ADAMTS17: variants seen among roughly 807,000 people sequenced by gnomAD.
ADAMTS17 encodes the protein A disintegrin and metalloproteinase with thrombospondin motifs 17.
A neutral mutation model predicts 141.5 loss-of-function variants in ADAMTS17; 113 were observed. That is an observed-to-expected ratio of 0.80 (90% confidence interval 0.69 to 0.93). The LOEUF (loss-of-function observed/expected upper bound fraction) is 0.93, where lower values mean the gene tolerates loss of function less well. Among genes scored for constraint, ADAMTS17 ranks in the 40% least tolerant of loss-of-function variants. The pLI is 0.00. For missense variants in ADAMTS17, 1,659 were observed against 1,517.9 expected (o/e 1.09, Z -1.54); for synonymous variants, 768 against 630.6 (o/e 1.22, Z -3.27).
At chr15:100,239,936 T>A (rs1029408307) in intron 7 of ADAMTS17, among the ~76,000 whole-genome samples, 4 of 152,094 alleles carry the variant, frequency 2.6e-5, no homozygotes, top group African/African-American at 9.7e-5. Flanking sequence ...GGAGGTGGTC[T>A]CCAGGTGAAA....
At chr15:100,106,479 G>A (rs1293988622) in intron 14 of ADAMTS17, among the ~76,000 whole-genome samples, 2 of 152,198 alleles carry the variant, frequency 1.3e-5, no homozygotes, top group African/African-American at 2.4e-5. Context: ...CATTGTCATA[G>A]TATGGAACAT....
chr15:99,999,773 C>A (rs1017372189), intron 18 of ADAMTS17, among the ~76,000 whole-genome samples: 1 of 152,082 alleles, frequency 6.6e-6, no homozygotes, highest in Non-Finnish European at 1.5e-5. Flanking sequence ...TACGGCAGTC[C>A]CAGTGACGAC....
At chr15:100,016,057 C>T (rs183457222) in intron 18 of ADAMTS17, among the ~76,000 whole-genome samples, 2 of 152,288 alleles carry the variant, frequency 1.3e-5, no homozygotes, top group East Asian at 3.9e-4. Flanking sequence ...AGGCTTTGTT[C>T]ATACTTTCTC....
intron 14 of ADAMTS17, among the ~76,000 whole-genome samples, chr15:100,097,704 CCAG>C (rs1314092791): frequency 2.0e-5 from 3 of 152,214 alleles, no homozygotes; most frequent in Non-Finnish European, 4.4e-5. Flanking sequence ...AGTTTCTGAC[CCAG>C]CAGGTCTGGG....
intron 18 of ADAMTS17, among the ~76,000 whole-genome samples, chr15:100,046,140 C>G (rs1271083346): frequency 6.6e-6 from 1 of 152,210 alleles, no homozygotes; most frequent in African/African-American, 2.4e-5. Flanking sequence ...CTTTGCCTCC[C>G]AAAGTGCTGG....
intron 3 of ADAMTS17, 65 bp from the exon 4 acceptor site, chr15:100,281,466 C>A: frequency 6.4e-7 from 1 of 1,560,076 alleles, no homozygotes; most frequent in Non-Finnish European, 8.7e-7. Context: ...ATGCAGTGAA[C>A]AGGCCTTCTG....
intron 8 of ADAMTS17, among the ~76,000 whole-genome samples, chr15:100,190,236 C>T (rs746477020): frequency 1.3e-5 from 2 of 152,252 alleles, no homozygotes; most frequent in African/African-American, 2.4e-5. Flanking sequence ...CTCCTGGAAA[C>T]CACCATCTGT....
chr15:100,059,495 A>G (rs1444677141), intron 15 of ADAMTS17, among the ~76,000 whole-genome samples: 2 of 152,228 alleles, frequency 1.3e-5, no homozygotes, highest in African/African-American at 4.8e-5. Flanking sequence ...GTCACTTAGC[A>G]AGATTCCAAA....
At chr15:100,024,500 T>C (rs956067926) in intron 18 of ADAMTS17, among the ~76,000 whole-genome samples, 1 of 152,188 alleles carries the variant, frequency 6.6e-6, no homozygotes, top group Non-Finnish European at 1.5e-5. Flanking sequence ...AGGGTACAAA[T>C]GGAAGTCCTG....
intron 8 of ADAMTS17, among the ~76,000 whole-genome samples, chr15:100,162,424 A>G (rs1164101321): frequency 2.8e-5 from 4 of 145,006 alleles, no homozygotes; most frequent in Non-Finnish European, 6.0e-5. Flanking sequence ...ATATATAACT[A>G]TATAGTTATA....
chr15:99,974,996 C>T (rs1417200832), intron 21 of ADAMTS17, among the ~76,000 whole-genome samples: 1 of 152,176 alleles, frequency 6.6e-6, no homozygotes, highest in Non-Finnish European at 1.5e-5. Flanking sequence ...CTTGATTGTA[C>T]AGAGAGAAGG....
chr15:100,110,821 AGCCGACCTGGCCTCGGAC>A (rs2036730166), intron 13 of ADAMTS17, among the ~76,000 whole-genome samples: 2 of 152,068 alleles, frequency 1.3e-5, no homozygotes, highest in Admixed American at 1.3e-4. Context: ...GAGGCTTCTG[AGCCGACCTGGCCTCGGAC>A]GACCTTGGCA....
chr15:100,046,089 C>T (rs2031660114), intron 18 of ADAMTS17, among the ~76,000 whole-genome samples: 1 of 152,152 alleles, frequency 6.6e-6, no homozygotes, highest in Admixed American at 6.6e-5. Flanking sequence ...CTATGTTGGC[C>T]AGGCTGATCT....
At chr15:100,090,218 C>G (rs758027146) in intron 15 of ADAMTS17, among the ~76,000 whole-genome samples, 1 of 152,084 alleles carries the variant, frequency 6.6e-6, no homozygotes, top group Non-Finnish European at 1.5e-5. Flanking sequence ...AGTAAAATGT[C>G]AAAAACTGAG....
intron 18 of ADAMTS17, among the ~76,000 whole-genome samples, chr15:100,031,130 T>C (rs1054211858): frequency 6.6e-6 from 1 of 152,200 alleles, no homozygotes; most frequent in Non-Finnish European, 1.5e-5. Context: ...AACTTGCCCG[T>C]GGGTTTGCAT....
intron 5 of ADAMTS17, among the ~76,000 whole-genome samples, chr15:100,262,117 C>T (rs1212332687): frequency 4.6e-5 from 7 of 152,174 alleles, no homozygotes; most frequent in South Asian, 2.1e-4. Context: ...CGAGACCCTC[C>T]GGGAGAGGTG....
rs750388920 is a variant in ADAMTS17, at chr15:100,262,312, A to G, written c.873+40T>C. The G allele has an allele frequency of 1.9e-6, 3 of 1,585,338 alleles. No homozygotes were observed. The East Asian group carries it at 6.7e-5, about 35-fold the overall frequency. On this transcript the variant is annotated intron_variant, in intron 5 of 21. Coordinates refer to ENST00000268070, the MANE Select transcript of ADAMTS17 (RefSeq NM_139057.4). ...GCAGTTGAGAAGCTCCAGCCCAGCCACATTTTCTGCTTGCTTGAAAGGTGC... is the reference window on the plus strand; with the variant it reads ...GCAGTTGAGAAGCTCCAGCCCAGCCGCATTTTCTGCTTGCTTGAAAGGTGC...
rs767077707 is a variant in ADAMTS17 at position 100,109,058 on chromosome 15, G to A, written c.1947C>T (p.Ala649=). Residue 649 remains alanine, a synonymous_variant, in exon 14 of 22, where the codon GCC becomes GCT. Coordinates refer to ENST00000268070, the MANE Select transcript of ADAMTS17 (RefSeq NM_139057.4). ...AGGGTGTACCGTCCAGGACCCTGTC[G>A]GCCACCAGCAGTGGGGACTCCTTCC... ...PLGKESPLLV[A]DRVLDGTPCG... 5.8e-5 allele frequency: 93 copies of A among 1,613,954 alleles called. No homozygotes were observed. The highest frequency in any genetic ancestry group is 6.9e-5 in the Non-Finnish European group (81 of 1,180,036).
chr15:100,207,713 G>A (rs769819512), intron 7 of ADAMTS17, among the ~76,000 whole-genome samples: 40 of 152,212 alleles, frequency 2.6e-4, no homozygotes, highest in African/African-American at 9.6e-4. Flanking sequence ...AGCTGCATCT[G>A]TAGGCAGAGA....
Sources: gnomAD v4.1 joint callset for allele counts (sites outside exome capture counted in the v4.1 genomes callset) on GRCh38, gnomAD v4.1.1 for gene constraint, MANE v1.5 for transcripts, NCBI Gene and HGNC (gene_info 2026-07-23, HGNC 2026-07-21) for gene names.